IFI16: variants seen among roughly 807,000 people sequenced by gnomAD.
The protein encoded by IFI16 is interferon gamma inducible protein 16, also known as gamma-interferon-inducible protein 16.
Under a neutral mutation model 68.4 loss-of-function variants are expected in IFI16, and 49 were observed. That is an observed-to-expected ratio of 0.72 (90% confidence interval 0.57 to 0.91). The LOEUF is 0.91. Ranked by LOEUF, IFI16 falls within the 40% of genes least tolerant of loss-of-function variation. IFI16 has a pLI of 0.00. For missense variants in IFI16, 878 were observed against 942.9 expected (o/e 0.93, Z 0.90); for synonymous variants, 307 against 315.0 (o/e 0.97, Z 0.27).
chr1:159,038,460 G>A (rs1364253824), intron 7 of IFI16, among the ~76,000 whole-genome samples: 1 of 152,144 alleles, frequency 6.6e-6, no homozygotes, highest in Non-Finnish European at 1.5e-5. Flanking sequence ...AGACACCTGA[G>A]CTCAAGGGAT....
intron 4 of IFI16, among the ~76,000 whole-genome samples, chr1:159,016,951 C>A (rs2101817724): frequency 6.6e-6 from 1 of 152,286 alleles, no homozygotes; most frequent in East Asian, 1.9e-4. Flanking sequence ...ACAGAACTGT[C>A]AGCTGTGGGC....
intron 6 of IFI16, among the ~76,000 whole-genome samples, chr1:159,025,051 G>C (rs1024271027): frequency 6.6e-6 from 1 of 151,676 alleles, no homozygotes; most frequent in South Asian, 2.1e-4. Context: ...GGCTGGTGCT[G>C]GTGTACTGGA....
chr1:159,027,959 C>T (rs1416350669), intron 6 of IFI16, among the ~76,000 whole-genome samples: 3 of 151,852 alleles, frequency 2.0e-5, no homozygotes, highest in African/African-American at 7.3e-5. Flanking sequence ...TTCAAAGAAC[C>T]AGCTTTATGT....
intron 6 of IFI16, among the ~76,000 whole-genome samples, chr1:159,023,778 G>T (rs1185315781): frequency 6.6e-6 from 1 of 152,210 alleles, no homozygotes; most frequent in Non-Finnish European, 1.5e-5. Flanking sequence ...AGCGTGGACT[G>T]ATGGGCAAGC....
upstream of IFI16, among the ~76,000 whole-genome samples, chr1:159,001,164 G>A (rs917603704): frequency 2.6e-5 from 4 of 152,050 alleles, no homozygotes; most frequent in Admixed American, 6.6e-5. Context: ...TGTCCCATTT[G>A]TACAGCCCAT....
intron 2 of IFI16, 143 bp downstream of exon 2, chr1:159,015,088 AG>A (rs1331640169): frequency 6.6e-6 from 5 of 762,822 alleles, no homozygotes; most frequent in African/African-American, 1.7e-5. Flanking sequence ...GGTACTTCAG[AG>A]GCCAACAAGT....
At chr1:159,000,552 A>C (rs554202713) in intron 1 of IFI16, among the ~76,000 whole-genome samples, 1 of 152,314 alleles carries the variant, frequency 6.6e-6, no homozygotes, top group South Asian at 2.1e-4. Context: ...GAATTCTTAG[A>C]AAATGGGATC....
intron 1 of IFI16, among the ~76,000 whole-genome samples, chr1:159,011,508 C>A (rs1652559214): frequency 6.6e-6 from 1 of 151,744 alleles, no homozygotes; most frequent in Non-Finnish European, 1.5e-5. Flanking sequence ...CAGGTACACA[C>A]ATATATGTGT....
At chr1:159,040,984 T>C (rs757963613) in intron 7 of IFI16, among the ~76,000 whole-genome samples, 4 of 152,198 alleles carry the variant, frequency 2.6e-5, no homozygotes, top group Non-Finnish European at 4.4e-5. Context: ...CTTGGGTTTG[T>C]TTAATAGCCT....
chr1:159,001,169 G>GC (rs1318486205), upstream of IFI16, among the ~76,000 whole-genome samples: 6 of 151,984 alleles, frequency 3.9e-5, no homozygotes. Context: ...CATTTGTACA[G>GC]CCCATGTGAA....
At chr1:159,018,747 TTAGA>T in intron 5 of IFI16, 96 bp downstream of exon 5, 2 of 876,782 alleles carry the variant, frequency 2.3e-6, no homozygotes, top group Non-Finnish European at 3.6e-6. Context: ...AAACTGGATA[TTAGA>T]ATCCAGGACT....
At chr1:159,000,345 C>T (rs562346036) in exon 1 of IFI16, 51 of 220,198 alleles carry the variant, frequency 2.3e-4, no homozygotes, top group Non-Finnish European at 4.4e-4. Context: ...GGGATCCAAA[C>T]TATGTAAGAT....
chr1:159,029,929 G>T (rs1031938258), intron 6 of IFI16, among the ~76,000 whole-genome samples: 4 of 152,016 alleles, frequency 2.6e-5, no homozygotes, highest in Non-Finnish European at 4.4e-5. Flanking sequence ...CGATCCACCT[G>T]CCTCAGCCTC....
chr1:159,049,518 G>A lies in IFI16; in HGVS notation c.1584G>A (p.Met528Ile). The change falls in exon 9 of 12, where the codon ATG (methionine) becomes ATA (isoleucine). Residue 528 changes from methionine (M) to isoleucine (I), a missense_variant. Met to Ile is a conservative substitution (Grantham distance 10, BLOSUM62 1). This residue lies in a region of IFI16 where 59 missense variants were observed against 119.0 expected (regional missense o/e 0.50). Transcript: ENST00000295809. Reference protein sequence around the residue: ...KEGSHFPGPFMTSIGPAESHP... With the variant: ...KEGSHFPGPFITSIGPAESHP... Reference sequence around the variant, plus strand: ...GGAGTCATTTTCCAGGACCGTTCATGACCAGCATAGGCCCAGCTGAGAGCC... The same window carrying A: ...GGAGTCATTTTCCAGGACCGTTCATAACCAGCATAGGCCCAGCTGAGAGCC... 6.2e-7 allele frequency: 1 copy of A among 1,604,324 alleles called. No individual in the cohort carries two copies. The highest frequency in any genetic ancestry group is 1.7e-4 in the Middle Eastern group (1 of 6,008).
chr1:159,034,682 A>G (rs1654212825), intron 7 of IFI16, among the ~76,000 whole-genome samples: 1 of 152,212 alleles, frequency 6.6e-6, no homozygotes, highest in Non-Finnish European at 1.5e-5. Context: ...CCTCACTGGC[A>G]ACCACGTTTC....
chr1:159,024,682 T>C (rs1653541330), intron 6 of IFI16, among the ~76,000 whole-genome samples: 1 of 152,198 alleles, frequency 6.6e-6, no homozygotes, highest in Non-Finnish European at 1.5e-5. Context: ...GTGAAAAGGC[T>C]AGCTGTCGTT....
Position 159,015,886 on chromosome 1 carries a change from C to T in IFI16, c.280C>T (p.Leu94=). The T allele has an allele frequency of 1.2e-6, 2 of 1,612,912 alleles. No homozygotes were observed. Among genetic ancestry groups the T allele is most frequent in the Non-Finnish European group, 1.7e-6 (2 of 1,178,906 alleles). ...KEKLKVKGPA[L]SRKRKKEVDA... ...ATCTATTCCAGTAAAAGGACCAGCC[C>T]TATCAAGAAAGAGGAAGAAGGAAGT... The change falls in exon 3 of 12, where the codon CTA becomes TTA. Residue 94 remains leucine (L), a synonymous_variant. Transcript: ENST00000295809.
chr1:159,042,380 T>C (rs1446513153), intron 7 of IFI16, among the ~76,000 whole-genome samples: 5 of 152,144 alleles, frequency 3.3e-5, no homozygotes, highest in South Asian at 2.1e-4. Flanking sequence ...GAATAATAAA[T>C]CCCCCAGTAT....
intron 9 of IFI16, among the ~76,000 whole-genome samples, chr1:159,049,970 T>TACC (rs1655243030): frequency 6.6e-6 from 1 of 152,170 alleles, no homozygotes; most frequent in East Asian, 1.9e-4. Flanking sequence ...ACTCAAACAA[T>TACC]ATGTTTAAAA....
Sources: gnomAD v4.1 joint callset for allele counts (sites outside exome capture counted in the v4.1 genomes callset) on GRCh38, gnomAD v4.1.1 for gene constraint, gnomAD v4.1.1 regional missense constraint, MANE v1.5 for transcripts, NCBI Gene and HGNC (gene_info 2026-07-23, HGNC 2026-07-21) for gene names.